The following OPCML variants were observed in gnomAD, a reference collection of about 807,000 sequenced individuals.
OPCML encodes opioid-binding protein/cell adhesion molecule.
Under a neutral mutation model 37.8 loss-of-function variants are expected in OPCML, and 13 were observed. The observed-to-expected ratio is 0.34, with a 90% confidence interval of 0.22 to 0.55. The LOEUF is 0.55. Ranked by LOEUF, OPCML falls within the 20% of genes least tolerant of loss-of-function variation. The probability of loss-of-function intolerance (pLI) is 0.91; values close to 1 mark genes in which losing one functional copy is unlikely to be tolerated. For missense variants in OPCML, 341 were observed against 435.6 expected (o/e 0.78, Z 1.93); for synonymous variants, 176 against 168.8 (o/e 1.04, Z -0.33).
rs540622337 is a variant in OPCML, at chr11:132,709,157, A to G, written c.147-51838T>C. ...CAGATAACCCGGTGCCTCCACCTAC[A>G]TTTGTGGAACACCTTTCACTTGCCT... On this transcript the variant is annotated intron_variant, in intron 2 of 7. Coordinates refer to ENST00000524381, the MANE Select transcript of OPCML (RefSeq NM_001012393.5). Among the ~76,000 whole-genome samples, 23 of 152,286 alleles carry G rather than the reference A, an allele frequency of 1.5e-4. 1 individual carries two copies. The highest frequency in any genetic ancestry group is 6.5e-4 in the Admixed American group (10 of 15,300).
intron 1 of OPCML, among the ~76,000 whole-genome samples, chr11:133,501,799 G>C (rs1474736493): frequency 6.6e-6 from 1 of 151,976 alleles, no homozygotes; most frequent in African/African-American, 2.4e-5. Context: ...CCTCCACAGG[G>C]CACTCCAGGC....
intron 2 of OPCML, among the ~76,000 whole-genome samples, chr11:132,785,556 A>G (rs909306500): frequency 6.6e-6 from 1 of 152,240 alleles, no homozygotes; most frequent in Non-Finnish European, 1.5e-5. Context: ...ACCAGATACA[A>G]TGCAATGCTC....
intron 3 of OPCML, among the ~76,000 whole-genome samples, chr11:132,554,088 G>A (rs538445431): frequency 3.7e-4 from 57 of 152,284 alleles, no homozygotes; most frequent in African/African-American, 1.3e-3. Context: ...GCAGAAGTTA[G>A]AGCAAAGGAG....
At chr11:132,794,345 A>C (rs1244181909) in intron 2 of OPCML, among the ~76,000 whole-genome samples, 1 of 152,232 alleles carries the variant, frequency 6.6e-6, no homozygotes, top group East Asian at 1.9e-4. Flanking sequence ...GCAGGGCAAA[A>C]GTTCAAAGGG....
chr11:132,854,325 T>A (rs1270310591), intron 2 of OPCML, among the ~76,000 whole-genome samples: 1 of 152,248 alleles, frequency 6.6e-6, no homozygotes, highest in African/African-American at 2.4e-5. Context: ...TTCATCAATC[T>A]GGAAGCTCTT....
intron 1 of OPCML, among the ~76,000 whole-genome samples, chr11:133,122,860 G>T (rs75562644): frequency 0.032 from 4,938 of 152,252 alleles, 137 homozygotes; most frequent in East Asian, 0.11. Context: ...CACTGCTATG[G>T]CATTTGGCCC....
intron 1 of OPCML, among the ~76,000 whole-genome samples, chr11:133,389,147 C>T (rs1026209105): frequency 1.3e-5 from 2 of 152,316 alleles, no homozygotes; most frequent in Non-Finnish European, 1.5e-5. Context: ...TAAGGAGGCC[C>T]TTTAGGGGGT....
chr11:132,460,375 G>C (rs1182459847), intron 4 of OPCML, among the ~76,000 whole-genome samples: 1 of 152,134 alleles, frequency 6.6e-6, no homozygotes, highest in African/African-American at 2.4e-5. Flanking sequence ...CAATGTCTTA[G>C]TATTACCTTG....
At chr11:132,670,282 A>G (rs1234729845) in intron 2 of OPCML, among the ~76,000 whole-genome samples, 10 of 152,166 alleles carry the variant, frequency 6.6e-5, no homozygotes. Context: ...CTCCCGCACA[A>G]CTATCGTGGG....
At chr11:132,578,162 A>G (rs905712001) in intron 3 of OPCML, among the ~76,000 whole-genome samples, 1 of 152,186 alleles carries the variant, frequency 6.6e-6, no homozygotes, top group African/African-American at 2.4e-5. Context: ...AATTTATAGC[A>G]CTGACTTCTG....
intron 1 of OPCML, among the ~76,000 whole-genome samples, chr11:133,329,434 T>C (rs1943564762): frequency 6.6e-6 from 1 of 152,120 alleles, no homozygotes; most frequent in Non-Finnish European, 1.5e-5. Context: ...CTTCAAACTA[T>C]ACTATGAGGC....
rs187658100 is a variant in OPCML, at chr11:133,212,261, C to T, written c.62-269251G>A. On this transcript the variant is annotated intron_variant, in intron 1 of 7. Transcript: ENST00000524381. This position sits in a 1 kb window ranked among gnomAD's most constrained non-coding sequence, Gnocchi z 4.9. ...ACCCCGATAGGTGCACAAAGTCCTC[C>T]TAATAGTCCGTGACAGCCTACACAG... 3.3e-5 allele frequency among the ~76,000 whole-genome samples: 5 copies of T among 152,322 alleles called. No individual in the cohort carries two copies. The highest frequency in any genetic ancestry group is 3.3e-4 in the Admixed American group (5 of 15,296).
At chr11:132,643,237 G>A (rs1180657110) in intron 3 of OPCML, among the ~76,000 whole-genome samples, 1 of 152,264 alleles carries the variant, frequency 6.6e-6, no homozygotes, top group Middle Eastern at 3.4e-3. Flanking sequence ...AGACAATGCC[G>A]CTGCACTCCA....
chr11:133,348,498 T>A (rs79011513), intron 1 of OPCML, among the ~76,000 whole-genome samples: 11,994 of 152,162 alleles, frequency 0.079, 667 homozygotes, highest in African/African-American at 0.15. Flanking sequence ...TGCTGCCCAA[T>A]CTGCAAGAGA....
chr11:133,039,960 C>T (rs938286775), intron 1 of OPCML, among the ~76,000 whole-genome samples: 29 of 151,412 alleles, frequency 1.9e-4, no homozygotes, highest in Admixed American at 5.9e-4. Context: ...ACCCGGGAGG[C>T]GGAGGTTGCA....
chr11:133,161,196 C>G (rs140012225), intron 1 of OPCML, among the ~76,000 whole-genome samples: 5 of 152,284 alleles, frequency 3.3e-5, no homozygotes, highest in Middle Eastern at 3.4e-3. Flanking sequence ...TTGGAGGCAG[C>G]CATCCTGGCT....
intron 2 of OPCML, among the ~76,000 whole-genome samples, chr11:132,826,003 G>C (rs1940305606): frequency 6.6e-6 from 1 of 152,172 alleles, no homozygotes; most frequent in South Asian, 2.1e-4. Flanking sequence ...TGCTTTTCCA[G>C]ACTCTTTCAG....
chr11:132,540,922 T>C (rs1238354059), intron 3 of OPCML, among the ~76,000 whole-genome samples: 1 of 152,198 alleles, frequency 6.6e-6, no homozygotes, highest in Non-Finnish European at 1.5e-5. Flanking sequence ...AGCATGGAGG[T>C]GCCCTCCCTC....
At chr11:132,439,712 T>TC (rs370381477) in intron 4 of OPCML, among the ~76,000 whole-genome samples, 3 of 149,966 alleles carry the variant, frequency 2.0e-5, no homozygotes, top group African/African-American at 5.0e-5. Context: ...TTTTTTTTTT[T>TC]CCTGAAAGAA....
Sources: gnomAD v4.1 joint callset for allele counts (sites outside exome capture counted in the v4.1 genomes callset) on GRCh38, gnomAD v4.1.1 for gene constraint, Gnocchi (gnomAD v3.1) non-coding constraint, MANE v1.5 for transcripts, NCBI Gene and HGNC (gene_info 2026-07-23, HGNC 2026-07-21) for gene names.